The following GNPTG variants were observed in gnomAD, a reference collection of about 807,000 sequenced individuals.
GNPTG encodes the protein N-acetylglucosamine-1-phosphotransferase subunit gamma.
Under a neutral mutation model 43.8 loss-of-function variants are expected in GNPTG, and 46 were observed. That is an observed-to-expected ratio of 1.05 (90% confidence interval 0.83 to 1.34). GNPTG has a LOEUF of 1.34. GNPTG is among the 40% of genes most tolerant of loss of function. GNPTG has a pLI of 0.00. For synonymous variants in GNPTG, 250 were observed against 172.8 expected, an observed-to-expected ratio of 1.45 and a Z score of -3.50; for missense variants, 549 against 411.3, an observed-to-expected ratio of 1.33 and a Z score of -2.90.
At chr16:1,354,080 G>A (rs995676833) in intron 3 of GNPTG, among the ~76,000 whole-genome samples, 8 of 152,132 alleles carry the variant, frequency 5.3e-5, no homozygotes, top group African/African-American at 1.9e-4. Context: ...CGCACCTGGG[G>A]TTAGGCTCAC....
chr16:1,354,436 G>A (rs1181550242), intron 3 of GNPTG, among the ~76,000 whole-genome samples: 1 of 151,676 alleles, frequency 6.6e-6, no homozygotes, highest in Non-Finnish European at 1.5e-5. Flanking sequence ...AAAAACAAAA[G>A]TTAGCCGGGC....
rs374511482 is a variant in GNPTG at position 1,363,025 on chromosome 16, C to G, written c.852C>G (p.His284Gln). 10 of 1,614,026 alleles carry G rather than the reference C, an allele frequency of 6.2e-6. No homozygotes were observed. Among genetic ancestry groups the G allele is most frequent in the Admixed American group, 5.0e-5 (3 of 60,012 alleles). The change falls in exon 11 of 11, where the codon CAC becomes CAG. Residue 284 changes from histidine (H) to glutamine (Q), a missense_variant. By Grantham distance (24) the His-to-Gln change is conservative. Coordinates refer to ENST00000204679, the MANE Select transcript of GNPTG (RefSeq NM_032520.5). ...CTTCCAACTTGGAGCACTTGGGCCACGAGACGCCCAGAGCCAAGTCTCCAG... is the reference window on the plus strand; with the variant it reads ...CTTCCAACTTGGAGCACTTGGGCCAGGAGACGCCCAGAGCCAAGTCTCCAG... ...TETSNLEHLG[H>Q]ETPRAKSPEQ...
intron 3 of GNPTG, among the ~76,000 whole-genome samples, chr16:1,358,739 T>A (rs2034821166): frequency 6.6e-6 from 1 of 152,160 alleles, no homozygotes; most frequent in South Asian, 2.1e-4. Context: ...TCTCCACATT[T>A]TCACCAACAC....
chr16:1,359,547 C>T (rs573210055), intron 3 of GNPTG, among the ~76,000 whole-genome samples: 4 of 152,262 alleles, frequency 2.6e-5, no homozygotes, highest in South Asian at 2.1e-4. Context: ...GGATTACAGG[C>T]GTGAGACCCT....
intron 3 of GNPTG, among the ~76,000 whole-genome samples, chr16:1,355,748 C>A (rs528917742): frequency 7.0e-6 from 1 of 143,776 alleles, no homozygotes; most frequent in African/African-American, 2.6e-5. Context: ...GGGGCCTTGG[C>A]AGGGTCCTGG....
intron 3 of GNPTG, among the ~76,000 whole-genome samples, chr16:1,354,608 A>AAAAC (rs1567180533): frequency 1.3e-5 from 2 of 149,214 alleles, no homozygotes; most frequent in South Asian, 2.1e-4. Context: ...AAAAAAAAAA[A>AAAAC]ACCCATAAAA....
rs540794095 is a variant in GNPTG, at chr16:1,363,374, A to G, written c.*283A>G. The G allele has an allele frequency of 6.9e-6, 3 of 433,918 alleles. No individual in the cohort carries two copies. The highest frequency in any genetic ancestry group is 9.7e-5 in the East Asian group (2 of 20,680). The allele number at this position is 433,918 out of a possible 1,614,324, so 26.9% of individuals were successfully genotyped here. On this transcript the variant is annotated 3_prime_UTR_variant, in exon 11 of 11. Transcript: ENST00000204679. ...CTACCTTCTGGGTTAAGAAAATTCC[A>G]TTCAAATAACATTCTCATGTAAATA...
At chr16:1,361,717 G>A in intron 3 of GNPTG, 26 bp from the exon 4 acceptor site, 4 of 1,613,578 alleles carry the variant, frequency 2.5e-6, no homozygotes, top group Non-Finnish European at 3.4e-6. Flanking sequence ...CTTGGACCCT[G>A]GGGATCAGTG....
intron 3 of GNPTG, among the ~76,000 whole-genome samples, chr16:1,358,635 A>G (rs752904809): frequency 1.3e-5 from 2 of 152,062 alleles, no homozygotes; most frequent in Non-Finnish European, 2.9e-5. Context: ...TCTTATTAGA[A>G]TTCCATGTTT....
At chr16:1,354,665 A>G (rs1346336307) in intron 3 of GNPTG, among the ~76,000 whole-genome samples, 1 of 150,548 alleles carries the variant, frequency 6.6e-6, no homozygotes, top group Non-Finnish European at 1.5e-5. Flanking sequence ...CCATCCCCAC[A>G]TCAGGGCCAG....
rs756679779 is a variant in GNPTG at position 1,362,493 on chromosome 16, C to G, written c.568C>G (p.Gln190Glu). Residue 190 changes from glutamine (Q) to glutamate (E), a missense_variant, in exon 8 of 11, where the codon CAG (glutamine) becomes GAG (glutamate). Gln to Glu is a conservative substitution (Grantham distance 29, BLOSUM62 2). Coordinates refer to ENST00000204679, the MANE Select transcript of GNPTG (RefSeq NM_032520.5). ...LPEALQRQWD[Q>E]VEQDLADELI... The stretch of plus-strand genomic sequence containing the variant: ...AGAGGCCCTGCAGCGGCAGTGGGAC[C>G]AGGTAGAGCAGGACCTGGCCGATGA... 6.2e-7 allele frequency: 1 copy of G among 1,614,088 alleles called. No homozygotes were observed. The highest frequency in any genetic ancestry group is 1.1e-5 in the South Asian group (1 of 91,088).
chr16:1,356,251 G>A (rs115979165), intron 3 of GNPTG, among the ~76,000 whole-genome samples: 2,609 of 152,276 alleles, frequency 0.017, 85 homozygotes, highest in African/African-American at 0.059. Context: ...ACCTGGGCCC[G>A]CGGGAGCCAA....
In GNPTG at chr16:1,360,086, G is replaced by A. The variant is rs151010936; in HGVS notation, c.179-1657G>A. Among the ~76,000 whole-genome samples, 251 of 151,558 alleles carry A rather than the reference G, an allele frequency of 1.7e-3. 1 individual carries two copies. The highest frequency in any genetic ancestry group is 5.6e-3 in the African/African-American group (230 of 41,254). On this transcript the variant is annotated intron_variant, in intron 3 of 10. Transcript: ENST00000204679. The stretch of plus-strand genomic sequence containing the variant: ...TCGTGCCACTGCAATCCAGCCTGGC[G>A]ACAATGCTAGACTCCGTCTCAAAAA...
In GNPTG at chr16:1,362,288, C is replaced by G. The variant is rs113167728; in HGVS notation, c.494C>G (p.Thr165Ser). ...STCVYALTFETPLVCHPHALL... is the reference protein window; with the variant it reads ...STCVYALTFESPLVCHPHALL... Reference sequence around the variant, plus strand: ...TGCGTCTACGCGCTGACGTTCGAGACCCCCCTCGTCTGCCACCCCCACGCC... The same window carrying G: ...TGCGTCTACGCGCTGACGTTCGAGAGCCCCCTCGTCTGCCACCCCCACGCC... Residue 165 changes from threonine (T) to serine (S), a missense_variant, in exon 7 of 11, where the codon ACC becomes AGC. Coordinates refer to ENST00000204679, the MANE Select transcript of GNPTG (RefSeq NM_032520.5). 1 of 1,613,134 alleles carries G rather than the reference C, an allele frequency of 6.2e-7. No homozygotes were observed. Among genetic ancestry groups the G allele is most frequent in the African/African-American group, 1.3e-5 (1 of 75,054 alleles).
chr16:1,356,915 GT>G, intron 3 of GNPTG, among the ~76,000 whole-genome samples: 2 of 11,168 alleles, frequency 1.8e-4, no homozygotes, highest in African/African-American at 5.2e-4. Flanking sequence ...GGGCGAGAGT[GT>G]GCGGGCGGGG....
In GNPTG at chr16:1,361,775, T is replaced by C. The variant is rs745552342; in HGVS notation, c.211T>C (p.Cys71Arg). The C allele has an allele frequency of 6.2e-7, 1 of 1,613,934 alleles. No individual in the cohort carries two copies. Among genetic ancestry groups the C allele is most frequent in the African/African-American group, 1.3e-5 (1 of 74,890 alleles). The change falls in exon 4 of 11, where the codon TGC becomes CGC. Residue 71 changes from cysteine (C) to arginine (R), a missense_variant. Coordinates refer to ENST00000204679, the MANE Select transcript of GNPTG (RefSeq NM_032520.5). Reference protein sequence around the residue: ...PVHLFRLSGKCFSLVESTYKY... With the variant: ...PVHLFRLSGKRFSLVESTYKY... ...GCATCTCTTCCGACTCTCGGGCAAG[T>C]GCTTCAGCCTGGTGGAGTCCACGTG... is the stretch of plus-strand genomic sequence containing the variant.
rs1252022014 is a variant in GNPTG at position 1,361,973 on chromosome 16, A to C, written c.317+18A>C. The C allele has an allele frequency of 6.2e-7, 1 of 1,611,972 alleles. No individual in the cohort carries two copies. Among genetic ancestry groups the C allele is most frequent in the East Asian group, 2.2e-5 (1 of 44,888 alleles). ...ATCCTCGGGTGAGTGGGGCCGGGGC[A>C]GGGATCCCAAAGCAGCAGCGCAGCT... On this transcript the variant is annotated intron_variant, in intron 5 of 10. Transcript: ENST00000204679.
rs779505508 is a variant in GNPTG at position 1,351,985 on chromosome 16, G to C, written c.20G>C (p.Arg7Pro). MAAGLA[R>P]LLLLLGLSAG... is the part of the protein sequence containing the mutation. ...GGCGCGATGGCGGCGGGGCTGGCGC[G>C]GCTCCTGTTGCTCCTCGGGCTCTCG... is the stretch of plus-strand genomic sequence containing the variant. Residue 7 changes from arginine (R) to proline (P), a missense_variant, in exon 1 of 11, where the codon CGG becomes CCG. Arg to Pro is a moderately radical substitution (Grantham distance 103). Coordinates refer to ENST00000204679, the MANE Select transcript of GNPTG (RefSeq NM_032520.5). 7.2e-7 allele frequency: 1 copy of C among 1,393,812 alleles called. No homozygotes were observed. Among genetic ancestry groups the C allele is most frequent in the East Asian group, 3.1e-5 (1 of 32,210 alleles). The allele number at this position is 1,393,812 out of a possible 1,614,324, so 86.3% of individuals were successfully genotyped here. A position where few individuals can be genotyped will look rare whatever the true frequency, so the allele number is the denominator to read the frequency against.
Position 1,362,526 on chromosome 16 carries a change from A to ACCCC in GNPTG, c.604_607dup (p.Gln203ProfsTer5). 1 of 1,613,862 alleles carries ACCCC rather than the reference A, an allele frequency of 6.2e-7. No individual in the cohort carries two copies. On this transcript the variant is annotated frameshift_variant, in exon 8 of 11. Coordinates refer to ENST00000204679, the MANE Select transcript of GNPTG (RefSeq NM_032520.5). LOFTEE classifies it high-confidence loss of function. ...GCAGGACCTGGCCGATGAGCTGATC[A>ACCCC]CCCCCCAGGTAAGCGTGCGCTCGGG... is the stretch of plus-strand genomic sequence containing the variant.
Sources: allele counts gnomAD v4.1 joint callset (sites outside exome capture counted in the v4.1 genomes callset), GRCh38; gene constraint gnomAD v4.1.1; transcripts MANE v1.5; gene names NCBI Gene and HGNC (gene_info 2026-07-23, HGNC 2026-07-21).